Variants in ADD3 observed in about 807,000 individuals in gnomAD.
ADD3 encodes the protein adducin 3, also known as gamma-adducin.
ADD3 carries 25 observed loss-of-function variants against 80.2 expected under a neutral mutation model. That is an observed-to-expected ratio of 0.31 (90% CI 0.23 to 0.44). ADD3 has a LOEUF of 0.44. Ranked by LOEUF, ADD3 falls within the 20% of genes least tolerant of loss-of-function variation. The pLI, the probability that ADD3 is intolerant of heterozygous loss-of-function variation, is 1.00. For missense variants in ADD3, 829 were observed against 847.5 expected (o/e 0.98, Z 0.27); for synonymous variants, 284 against 289.6 (o/e 0.98, Z 0.20).
At chr10:110,079,357 C>G (rs1284885653) in intron 1 of ADD3, 1 of 151,006 alleles carries the variant, frequency 6.6e-6, no homozygotes, top group Non-Finnish European at 1.5e-5. Context: ...GGGCATGTGA[C>G]AAAATGTTTT....
chr10:110,099,607 G>A (rs1187441463), intron 1 of ADD3, among the ~76,000 whole-genome samples: 3 of 152,198 alleles, frequency 2.0e-5, no homozygotes, highest in African/African-American at 7.2e-5. Flanking sequence ...TTATATATTT[G>A]TATGTGAATA....
chr10:110,043,197 T>C lies in ADD3; in HGVS notation c.-30+34898T>C, dbSNP rs77383260. 6.5e-3 allele frequency among the ~76,000 whole-genome samples: 996 copies of C among 152,390 alleles called. 4 individuals carry two copies. The highest frequency in any genetic ancestry group is 0.011 in the Admixed American group (161 of 15,308). On this transcript the variant is annotated intron_variant, in intron 1 of 14. Coordinates refer to ENST00000356080, the MANE Select transcript of ADD3 (RefSeq NM_016824.5). The stretch of plus-strand genomic sequence containing the variant: ...CCAGCCCAGTTTTCATTTGAACGGC[T>C]TGGCCTTTACAGGTGGACTTCTCTT...
rs1468996548 is a variant in ADD3, at chr10:110,100,798, T to C, written c.145T>C (p.Phe49Leu). 4 of 1,612,920 alleles carry C rather than the reference T, an allele frequency of 2.5e-6. No individual in the cohort carries two copies. The highest frequency in any genetic ancestry group is 3.4e-6 in the Non-Finnish European group (4 of 1,179,560). The change falls in exon 2 of 15, where the codon TTC (phenylalanine) becomes CTC (leucine). Residue 49 changes from phenylalanine (F) to leucine (L), a missense_variant. By Grantham distance (22) the Phe-to-Leu change is conservative. Coordinates refer to ENST00000356080, the MANE Select transcript of ADD3 (RefSeq NM_016824.5). Reference sequence around the variant, plus strand: ...CATGTCTCCTGATCTACGACAAGACTTCAACATGATGGAGCAGAGGAAACG... The same window carrying C: ...CATGTCTCCTGATCTACGACAAGACCTCAACATGATGGAGCAGAGGAAACG... The part of the protein sequence containing the change: ...RNMSPDLRQD[F>L]NMMEQRKRVT...
chr10:110,016,299 C>T (rs1394069948), intron 1 of ADD3: 2 of 152,224 alleles, frequency 1.3e-5, no homozygotes, highest in Non-Finnish European at 2.9e-5. Context: ...GAGGATTTGA[C>T]AGGATCTTAG....
intron 1 of ADD3, among the ~76,000 whole-genome samples, chr10:110,023,620 G>T (rs1853945531): frequency 6.6e-6 from 1 of 152,158 alleles, no homozygotes; most frequent in Non-Finnish European, 1.5e-5. Context: ...GAGAACACTT[G>T]TACTACTTAG....
At chr10:110,036,931 T>TA (rs1221706649) in intron 1 of ADD3, among the ~76,000 whole-genome samples, 1 of 152,142 alleles carries the variant, frequency 6.6e-6, no homozygotes, top group Non-Finnish European at 1.5e-5. Context: ...CCACAAAAAA[T>TA]ACAGCCTCTT....
At chr10:110,113,422 C>G (rs536441220) in intron 3 of ADD3, among the ~76,000 whole-genome samples, 15 of 152,230 alleles carry the variant, frequency 9.9e-5, no homozygotes, top group African/African-American at 3.1e-4. Context: ...TGCGCGCCAC[C>G]ACGCCTGGCT....
Position 110,135,511 on chromosome 10 carries a change from C to T in ADD3, c.*1893C>T, listed in dbSNP as rs1275099420. 6.6e-6 allele frequency: 1 copy of T among 152,500 alleles called. No individual in the cohort carries two copies. Among genetic ancestry groups the T allele is most frequent in the African/African-American group, 2.4e-5 (1 of 41,410 alleles). 9.4% of individuals were successfully genotyped at this position (152,500 alleles called of 1,614,324 possible). A position where few individuals can be genotyped will look rare whatever the true frequency, so the allele number is the denominator to read the frequency against. Reference sequence around the variant, plus strand: ...TGTATAAATGTTATCTGATATTGCTCTTAGATGTAATGCTAATTAATGTTA... The same window carrying T: ...TGTATAAATGTTATCTGATATTGCTTTTAGATGTAATGCTAATTAATGTTA... On this transcript the variant is annotated 3_prime_UTR_variant, in exon 15 of 15. Coordinates refer to ENST00000356080, the MANE Select transcript of ADD3 (RefSeq NM_016824.5).
chr10:110,088,062 T>C (rs6584970), intron 1 of ADD3, among the ~76,000 whole-genome samples: 41,915 of 152,106 alleles, frequency 0.28, 8,670 homozygotes, highest in African/African-American at 0.57. Context: ...TGTGTCTTTT[T>C]TGTTACTTGG....
intron 1 of ADD3, among the ~76,000 whole-genome samples, chr10:110,097,650 A>G (rs1848325087): frequency 6.6e-6 from 1 of 152,058 alleles, no homozygotes; most frequent in Non-Finnish European, 1.5e-5. Flanking sequence ...CAATTGTCTC[A>G]CTGATGTCCT....
intron 1 of ADD3, among the ~76,000 whole-genome samples, chr10:110,095,279 TTTTTAATATA>T (rs1848016364): frequency 6.6e-6 from 1 of 152,158 alleles, no homozygotes; most frequent in African/African-American, 2.4e-5. Context: ...AATTCAGTGG[TTTTTAATATA>T]GTCACAGAGT....
At chr10:110,058,547 G>A (rs1858490698) in intron 1 of ADD3, among the ~76,000 whole-genome samples, 1 of 152,158 alleles carries the variant, frequency 6.6e-6, no homozygotes, top group Non-Finnish European at 1.5e-5. Flanking sequence ...AGTACTTTGT[G>A]AGGACTGTGG....
At chr10:110,065,023 G>A (rs1843727746) in intron 1 of ADD3, among the ~76,000 whole-genome samples, 1 of 151,860 alleles carries the variant, frequency 6.6e-6, no homozygotes, top group Non-Finnish European at 1.5e-5. Context: ...TTGTCTAGGC[G>A]ACAGAGCGAG....
upstream of ADD3, among the ~76,000 whole-genome samples, chr10:110,007,750 G>A (rs1225940611): frequency 6.6e-6 from 1 of 152,070 alleles, no homozygotes; most frequent in South Asian, 2.1e-4. Flanking sequence ...GCGGGACCAG[G>A]ACTCCCGAGG....
chr10:110,083,144 T>G (rs577281316), intron 1 of ADD3, among the ~76,000 whole-genome samples: 39 of 152,138 alleles, frequency 2.6e-4, no homozygotes, highest in Non-Finnish European at 4.7e-4. Flanking sequence ...CAATACAGAC[T>G]ATGACAAAGT....
chr10:110,114,546 G>A (rs1021299164), intron 3 of ADD3, among the ~76,000 whole-genome samples: 1 of 152,102 alleles, frequency 6.6e-6, no homozygotes, highest in African/African-American at 2.4e-5. Context: ...AGTGGACAAC[G>A]AGGGACCTTA....
intron 2 of ADD3, among the ~76,000 whole-genome samples, chr10:110,101,284 G>A (rs2133955995): frequency 6.6e-6 from 1 of 152,234 alleles, no homozygotes; most frequent in East Asian, 1.9e-4. Context: ...TGGCAGCCTA[G>A]TATTACATAT....
chr10:110,048,752 A>G (rs1254584416), intron 1 of ADD3, among the ~76,000 whole-genome samples: 4 of 152,208 alleles, frequency 2.6e-5, no homozygotes, highest in African/African-American at 9.6e-5. Context: ...AAAAGCATTC[A>G]GTTTTGAAAG....
intron 2 of ADD3, among the ~76,000 whole-genome samples, chr10:110,101,866 CAT>C (rs367596078): frequency 6.6e-6 from 1 of 152,158 alleles, no homozygotes; most frequent in African/African-American, 2.4e-5. Context: ...AGCACACAGA[CAT>C]ATGATGCCCA....
Sources: allele counts gnomAD v4.1 joint callset (sites outside exome capture counted in the v4.1 genomes callset), GRCh38; gene constraint gnomAD v4.1.1; transcripts MANE v1.5; gene names NCBI Gene and HGNC (gene_info 2026-07-23, HGNC 2026-07-21).